The following NEK1 variants were observed in gnomAD, a reference collection of about 807,000 sequenced individuals.
The protein encoded by NEK1 is NIMA related kinase 1.
A neutral mutation model predicts 182.1 loss-of-function variants in NEK1; 137 were observed. The ratio of observed to expected loss-of-function variants is 0.75; its 90% CI spans 0.65 to 0.87. The LOEUF is 0.87. NEK1 is among the 40% of genes least tolerant of loss of function. The pLI, the probability that NEK1 is intolerant of heterozygous loss-of-function variation, is 0.00. For synonymous variants in NEK1, 513 were observed against 492.2 expected (o/e 1.04, Z -0.56); for missense variants, 1,391 against 1,494.4 (o/e 0.93, Z 1.14).
intron 18 of NEK1, among the ~76,000 whole-genome samples, chr4:169,539,049 C>G (rs1203412205): frequency 6.6e-6 from 1 of 152,046 alleles, no homozygotes; most frequent in South Asian, 2.1e-4. Flanking sequence ...ACGAAATTTC[C>G]ATCATGGGAA....
Position 169,477,885 on chromosome 4 carries a change from A to C in NEK1, c.2140-388T>G, listed in dbSNP as rs376361442. ...TACTCTCTTAATTATAACTAGAAAA[A>C]GTTTTGATAGATGAAGTAATTCAAA... On this transcript the variant is annotated intron_variant, in intron 24 of 35. Coordinates refer to ENST00000507142, the MANE Select transcript of NEK1 (RefSeq NM_001199397.3). Among the ~76,000 whole-genome samples the C allele has an allele frequency of 4.6e-5, 7 of 152,156 alleles. No individual in the cohort carries two copies. In the East Asian group the frequency reaches 1.3e-3, roughly 29 times the overall value.
intron 19 of NEK1, among the ~76,000 whole-genome samples, chr4:169,513,103 T>C (rs1031687400): frequency 6.6e-6 from 1 of 152,150 alleles, no homozygotes; most frequent in African/African-American, 2.4e-5. Flanking sequence ...ATATAAATTT[T>C]AAAATAAGCC....
intron 31 of NEK1, among the ~76,000 whole-genome samples, chr4:169,412,646 G>T (rs1043625551): frequency 3.9e-5 from 6 of 152,164 alleles, no homozygotes; most frequent in African/African-American, 1.4e-4. Flanking sequence ...TCCACTGATA[G>T]AATTTATTGG....
At chr4:169,472,408 G>A (rs574663157) in intron 26 of NEK1, among the ~76,000 whole-genome samples, 152 of 152,204 alleles carry the variant, frequency 1.0e-3, no homozygotes, top group African/African-American at 1.3e-3. Context: ...AACCCCTTGC[G>A]CTTCCCAGGT....
chr4:169,567,991 T>C (rs1763997395), intron 12 of NEK1, among the ~76,000 whole-genome samples: 1 of 152,166 alleles, frequency 6.6e-6, no homozygotes, highest in Non-Finnish European at 1.5e-5. Flanking sequence ...AACCAACACA[T>C]TACTTGATTC....
At chr4:169,414,353 C>G (rs921418752) in intron 31 of NEK1, among the ~76,000 whole-genome samples, 2 of 151,710 alleles carry the variant, frequency 1.3e-5, no homozygotes, top group Admixed American at 6.6e-5. Flanking sequence ...TTATTACCAC[C>G]AAGAAGTAAA....
At chr4:169,603,044 C>G (rs530874812) in intron 2 of NEK1, among the ~76,000 whole-genome samples, 5 of 151,922 alleles carry the variant, frequency 3.3e-5, no homozygotes, top group Admixed American at 3.3e-4. Context: ...TTAACTAATC[C>G]CCTCTTATTC....
intron 19 of NEK1, among the ~76,000 whole-genome samples, chr4:169,512,453 G>T (rs1350349771): frequency 6.6e-6 from 1 of 151,828 alleles, no homozygotes; most frequent in East Asian, 1.9e-4. Flanking sequence ...TTTTCTAACT[G>T]GATCTTTTAT....
chr4:169,406,500 T>C (rs919671515), intron 32 of NEK1, 96 bp downstream of exon 32: 10 of 802,032 alleles, frequency 1.2e-5, no homozygotes, highest in Non-Finnish European at 1.7e-5. Context: ...CAGAGGTTAA[T>C]GAGTTAAAAA....
chr4:169,587,734 A>G, intron 8 of NEK1, 121 bp from the exon 9 acceptor site: 1 of 528,576 alleles, frequency 1.9e-6, no homozygotes, highest in Non-Finnish European at 3.3e-6. Flanking sequence ...TTTCCTTTAA[A>G]ACTAAAAATT....
chr4:169,500,391 C>T (rs936918092), intron 23 of NEK1, among the ~76,000 whole-genome samples: 17 of 152,210 alleles, frequency 1.1e-4, no homozygotes, highest in African/African-American at 4.1e-4. Context: ...ATGCTCGGTG[C>T]GCTGCACCCA....
chr4:169,471,591 A>C (rs1745981941), intron 26 of NEK1, among the ~76,000 whole-genome samples: 1 of 152,130 alleles, frequency 6.6e-6, no homozygotes, highest in African/African-American at 2.4e-5. Flanking sequence ...CCCAGTCAGG[A>C]GGCACGGGGG....
chr4:169,576,825 T>G, intron 12 of NEK1, 103 bp downstream of exon 12: 2 of 1,140,986 alleles, frequency 1.8e-6, no homozygotes, highest in Non-Finnish European at 2.5e-6. Context: ...CTTGGTAACT[T>G]AATAAAAGTA....
chr4:169,399,609 ATCT>A (rs1241113531), intron 35 of NEK1, among the ~76,000 whole-genome samples: 7 of 152,040 alleles, frequency 4.6e-5, no homozygotes, highest in Non-Finnish European at 1.0e-4. Context: ...CTAAGTTATA[ATCT>A]TCTTTATTTT....
At chr4:169,473,472 C>T (rs1422151429) in intron 26 of NEK1, among the ~76,000 whole-genome samples, 1 of 152,048 alleles carries the variant, frequency 6.6e-6, no homozygotes, top group Non-Finnish European at 1.5e-5. Context: ...ACCCAATCCT[C>T]ACCATAATGC....
Position 169,433,681 on chromosome 4 carries a change from G to A in NEK1, c.2765-16C>T, listed in dbSNP as rs746322641. The A allele has an allele frequency of 7.5e-6, 12 of 1,610,694 alleles. No individual in the cohort carries two copies. The highest frequency in any genetic ancestry group is 6.7e-5 in the Admixed American group (4 of 59,500). On this transcript the variant is annotated splice_polypyrimidine_tract_variant and intron_variant, in intron 28 of 35. Coordinates refer to ENST00000507142, the MANE Select transcript of NEK1 (RefSeq NM_001199397.3). ...TCATCAGGTTCTGCAAAGGATAAAC[G>A]TAACGAGAGACATCTCAAAGCAAAA...
At chr4:169,421,441 T>C (rs114658515) in intron 31 of NEK1, among the ~76,000 whole-genome samples, 1,825 of 152,224 alleles carry the variant, frequency 0.012, 32 homozygotes, top group African/African-American at 0.041. Context: ...CCCACCCAAA[T>C]CTCATCTGGA....
Position 169,580,803 on chromosome 4 carries a change from T to C in NEK1, c.868+39A>G, listed in dbSNP as rs7670271. ...TTCCAGTTTAATTAGGGTTGATTAT[T>C]GCAAACAGATGAAAGGCTTCATATC... is the stretch of plus-strand genomic sequence containing the variant. On this transcript the variant is annotated intron_variant, in intron 11 of 35. Transcript: ENST00000507142. The C allele has an allele frequency of 0.2, 240,183 of 1,231,082 alleles. 29,365 individuals are homozygous for C. The highest frequency in any genetic ancestry group is 0.58 in the African/African-American group (38,733 of 66,576). 76.3% of individuals were successfully genotyped at this position (1,231,082 alleles called of 1,614,324 possible). A position where few individuals can be genotyped will look rare whatever the true frequency, so the allele number is the denominator to read the frequency against.
intron 26 of NEK1, among the ~76,000 whole-genome samples, chr4:169,465,602 G>A (rs2149509805): frequency 6.6e-6 from 1 of 152,226 alleles, no homozygotes; most frequent in South Asian, 2.1e-4. Flanking sequence ...CTCAAAAGAA[G>A]CAGAGGTAAC....
Sources: allele counts gnomAD v4.1 joint callset (sites outside exome capture counted in the v4.1 genomes callset), GRCh38; gene constraint gnomAD v4.1.1; transcripts MANE v1.5; gene names NCBI Gene and HGNC (gene_info 2026-07-23, HGNC 2026-07-21).